Variants in SEC61A2 observed in about 807,000 individuals in gnomAD.
SEC61A2 encodes the protein protein transport protein Sec61 subunit alpha isoform 2.
Under a neutral mutation model 59.9 loss-of-function variants are expected in SEC61A2, and 28 were observed. The ratio of observed to expected loss-of-function variants is 0.47; its 90% CI spans 0.35 to 0.64. The LOEUF (loss-of-function observed/expected upper bound fraction) is 0.64, where lower values mean the gene tolerates loss of function less well. Among genes scored for constraint, SEC61A2 ranks in the 30% least tolerant of loss-of-function variants. The probability of loss-of-function intolerance (pLI) is 0.01; values close to 1 mark genes in which losing one functional copy is unlikely to be tolerated. For missense variants in SEC61A2, 340 were observed against 585.9 expected, an observed-to-expected ratio of 0.58 and a Z score of 4.33; for synonymous variants, 202 against 214.4, an observed-to-expected ratio of 0.94 and a Z score of 0.50.
In SEC61A2 at chr10:12,162,852, A is replaced by G. The variant is rs995787948; in HGVS notation, c.1244+563A>G. 6.6e-6 allele frequency among the ~76,000 whole-genome samples: 1 copy of G among 152,116 alleles called. No individual in the cohort carries two copies. The highest frequency in any genetic ancestry group is 1.5e-5 in the Non-Finnish European group (1 of 68,024). On this transcript the variant is annotated intron_variant, in intron 11 of 11. Transcript: ENST00000298428. The surrounding 1 kb of genome is among the most constrained non-coding windows in gnomAD (Gnocchi z 6.1). ...TAACTTTGTCTCTACAGATTTGCCT[A>G]TTCTGTACATTTCATATAAATGGAA...
At chr10:12,144,783 G>C (rs1030781262) in intron 4 of SEC61A2, among the ~76,000 whole-genome samples, 25 of 152,180 alleles carry the variant, frequency 1.6e-4, no homozygotes, top group Admixed American at 1.6e-3. Context: ...AGGCGCAGGG[G>C]CTCATGCCTG....
intron 2 of SEC61A2, among the ~76,000 whole-genome samples, chr10:12,135,604 C>T (rs1258561687): frequency 6.6e-6 from 1 of 152,188 alleles, no homozygotes; most frequent in African/African-American, 2.4e-5. Context: ...CATCATCCAT[C>T]TTTTCCTGCC....
rs1013081227 is a variant in SEC61A2 at position 12,160,119 on chromosome 10, T to C, written c.976-811T>C. Among the ~76,000 whole-genome samples, 1 of 152,186 alleles carries C rather than the reference T, an allele frequency of 6.6e-6. No individual in the cohort carries two copies. Among genetic ancestry groups the C allele is most frequent in the Non-Finnish European group, 1.5e-5 (1 of 68,044 alleles). On this transcript the variant is annotated intron_variant, in intron 9 of 11. Transcript: ENST00000298428. The surrounding 1 kb of genome is among the most constrained non-coding windows in gnomAD (Gnocchi z 4.1). ...CCTTAGAATAGTCCAGCAGCAGCTA[T>C]TACTCTGATCAGAATGTCATAGTGA...
chr10:12,161,099 T>C lies in SEC61A2; in HGVS notation c.1145T>C (p.Val382Ala), dbSNP rs746050691. The change falls in exon 10 of 12, where the codon GTG (valine) becomes GCG (alanine). Residue 382 changes from valine (V) to alanine (A), a missense_variant. This residue lies in a region of SEC61A2 where 283 missense variants were observed against 483.2 expected (regional missense o/e 0.59). Transcript: ENST00000298428. The surrounding 1 kb of genome is among the most constrained non-coding windows in gnomAD (Gnocchi z 5.4). Reference sequence around the variant, plus strand: ...TTCTTCTCTAAGACATGGATTGAAGTGTCTGGTTCCTCAGCCAAAGATGTA... The same window carrying C: ...TTCTTCTCTAAGACATGGATTGAAGCGTCTGGTTCCTCAGCCAAAGATGTA... ...CAFFSKTWIE[V>A]SGSSAKDVAK... is the part of the protein sequence containing the mutation. 1 of 1,609,106 alleles carries C rather than the reference T, an allele frequency of 6.2e-7. No homozygotes were observed. Among genetic ancestry groups the C allele is most frequent in the East Asian group, 2.2e-5 (1 of 44,784 alleles).
At chr10:12,135,933 T>C (rs968660802) in intron 2 of SEC61A2, among the ~76,000 whole-genome samples, 172 bp from the exon 3 acceptor site, 1 of 152,210 alleles carries the variant, frequency 6.6e-6, no homozygotes, top group African/African-American at 2.4e-5. Flanking sequence ...GAGAAAAAAA[T>C]GTTTGTAAAA....
At position 12,144,475 on chromosome 10, in the gene SEC61A2, C is replaced by T. The variant is rs115675535; in HGVS notation, c.220+1280C>T. Among the ~76,000 whole-genome samples, 909 of 152,274 alleles carry T rather than the reference C, an allele frequency of 6.0e-3. 10 individuals carry two copies. Among genetic ancestry groups the T allele is most frequent in the African/African-American group, 0.021 (857 of 41,538 alleles). Reference sequence around the variant, plus strand: ...AAGGATACGCTGTGATTTATTTGATCATTCATTCAACAAATACTTACTGAG... The same window carrying T: ...AAGGATACGCTGTGATTTATTTGATTATTCATTCAACAAATACTTACTGAG... On this transcript the variant is annotated intron_variant, in intron 4 of 11. Transcript: ENST00000298428.
intron 3 of SEC61A2, among the ~76,000 whole-genome samples, chr10:12,140,491 G>A (rs1350771527): frequency 6.6e-6 from 1 of 152,234 alleles, no homozygotes; most frequent in Non-Finnish European, 1.5e-5. Flanking sequence ...ACTGGTTGCA[G>A]GAAAGGAGGG....
At position 12,155,514 on chromosome 10, in the gene SEC61A2, A is replaced by T; in HGVS notation, c.463-264A>T. 1 of 686,566 alleles carries T rather than the reference A, an allele frequency of 1.5e-6. No individual in the cohort carries two copies. The highest frequency in any genetic ancestry group is 2.4e-6 in the Non-Finnish European group (1 of 422,556). 42.5% of individuals were successfully genotyped at this position (686,566 alleles called of 1,614,324 possible). A position where few individuals can be genotyped will look rare whatever the true frequency, so the allele number is the denominator to read the frequency against. On this transcript the variant is annotated intron_variant, in intron 6 of 11. Coordinates refer to ENST00000298428, the MANE Select transcript of SEC61A2 (RefSeq NM_018144.4). The surrounding 1 kb of genome is among the most constrained non-coding windows in gnomAD (Gnocchi z 4.3). ...GGCTTTATTTAAACATTGCAAAAGA[A>T]ACTATTCAGATAAGTGTAAATAGAC...
In SEC61A2 at chr10:12,129,939, G is replaced by A; in HGVS notation, c.7+145G>A. ...GGGCCTCAGCGGAGGGCACGGGCCGGGGGCCTCCGCCGAGGCTCCCCTAGC... is the reference window on the plus strand; with the variant it reads ...GGGCCTCAGCGGAGGGCACGGGCCGAGGGCCTCCGCCGAGGCTCCCCTAGC... On this transcript the variant is annotated intron_variant, in intron 1 of 11. Transcript: ENST00000298428. The surrounding 1 kb of genome is among the most constrained non-coding windows in gnomAD (Gnocchi z 5.6). The A allele has an allele frequency of 1.4e-6, 1 of 725,796 alleles. No individual in the cohort carries two copies. Among genetic ancestry groups the A allele is most frequent in the Non-Finnish European group, 1.9e-6 (1 of 516,958 alleles). The allele number at this position is 725,796 out of a possible 1,614,324, so 45.0% of individuals were successfully genotyped here.
rs930161464 is a variant in SEC61A2 at position 12,153,230 on chromosome 10, G to A, written c.463-2548G>A. Among the ~76,000 whole-genome samples the A allele has an allele frequency of 6.6e-5, 10 of 152,104 alleles. No homozygotes were observed. The highest frequency in any genetic ancestry group is 1.2e-4 in the Non-Finnish European group (8 of 68,014). On this transcript the variant is annotated intron_variant, in intron 6 of 11. Transcript: ENST00000298428. The surrounding 1 kb of genome is among the most constrained non-coding windows in gnomAD (Gnocchi z 5.2). Reference sequence around the variant, plus strand: ...CTTTCAGGGCTTAGGGTTTCTCTTCGTATGCTTTAGGCATTGTTGAGGTTA... The same window carrying A: ...CTTTCAGGGCTTAGGGTTTCTCTTCATATGCTTTAGGCATTGTTGAGGTTA...
intron 2 of SEC61A2, among the ~76,000 whole-genome samples, chr10:12,135,154 TA>T (rs528001864): frequency 1.6e-3 from 132 of 85,116 alleles, no homozygotes; most frequent in African/African-American, 6.0e-3. Context: ...CCTGTGGGGG[TA>T]GGGGGAAAGG....
At chr10:12,157,241 T>A (rs1834419137) in intron 8 of SEC61A2, among the ~76,000 whole-genome samples, 174 bp downstream of exon 8, 1 of 152,214 alleles carries the variant, frequency 6.6e-6, no homozygotes, top group South Asian at 2.1e-4. Context: ...TATTGGAGTC[T>A]CTGTACTTTT....
At chr10:12,146,753 T>G (rs1001952370) in intron 4 of SEC61A2, among the ~76,000 whole-genome samples, 1 of 151,066 alleles carries the variant, frequency 6.6e-6, no homozygotes, top group African/African-American at 2.4e-5. Context: ...CTCCTGACCT[T>G]GTGATCCGCC....
At chr10:12,136,988 A>G (rs1833904688) in intron 3 of SEC61A2, among the ~76,000 whole-genome samples, 1 of 149,962 alleles carries the variant, frequency 6.7e-6, no homozygotes, top group Admixed American at 6.6e-5. Context: ...CTTATCTCGA[A>G]CTCCTGACCT....
chr10:12,141,141 G>A (rs35693884), intron 3 of SEC61A2, among the ~76,000 whole-genome samples: 52,855 of 152,010 alleles, frequency 0.35, 9,632 homozygotes, highest in East Asian at 0.42. Flanking sequence ...CTCAAGTGAT[G>A]TGCCCACGTT....
chr10:12,163,256 G>A (rs1032371417), intron 11 of SEC61A2, among the ~76,000 whole-genome samples: 2 of 145,204 alleles, frequency 1.4e-5, no homozygotes, highest in Non-Finnish European at 3.0e-5. Context: ...GATCCTCCCC[G>A]CCTCAACCTC....
Position 12,156,788 on chromosome 10 carries a change from T to C in SEC61A2, c.617-119T>C, listed in dbSNP as rs1046540533. On this transcript the variant is annotated intron_variant, in intron 7 of 11. Transcript: ENST00000298428. This position sits in a 1 kb window ranked among gnomAD's most constrained non-coding sequence, Gnocchi z 5.2. ...CATGGCTATATCATAAAGCAAACAT[T>C]GGCGAATTCTTTTGACCCATATTTT... is the stretch of plus-strand genomic sequence containing the variant. The C allele has an allele frequency of 1.0e-5, 9 of 902,990 alleles. No individual in the cohort carries two copies. Among genetic ancestry groups the C allele is most frequent in the Non-Finnish European group, 1.5e-5 (9 of 583,306 alleles). 55.9% of individuals were successfully genotyped at this position (902,990 alleles called of 1,614,324 possible). A position where few individuals can be genotyped will look rare whatever the true frequency, so the allele number is the denominator to read the frequency against.
At chr10:12,130,906 C>T (rs1183818961) in intron 1 of SEC61A2, 1 of 152,304 alleles carries the variant, frequency 6.6e-6, no homozygotes, top group Non-Finnish European at 1.5e-5. Context: ...GGCGCAGAGG[C>T]TCACGCCTGT....
At chr10:12,139,723 G>A (rs1265826315) in intron 3 of SEC61A2, among the ~76,000 whole-genome samples, 3 of 152,180 alleles carry the variant, frequency 2.0e-5, no homozygotes, top group Non-Finnish European at 4.4e-5. Flanking sequence ...TGCAGAGCTT[G>A]CAGTGAGCTG....
Sources: gnomAD v4.1 joint callset for allele counts (sites outside exome capture counted in the v4.1 genomes callset) on GRCh38, gnomAD v4.1.1 for gene constraint, gnomAD v4.1.1 regional missense constraint, Gnocchi (gnomAD v3.1) non-coding constraint, MANE v1.5 for transcripts, NCBI Gene and HGNC (gene_info 2026-07-23, HGNC 2026-07-21) for gene names.